ABCA6: variants seen among roughly 807,000 people sequenced by gnomAD.
ABCA6 encodes ATP-binding cassette sub-family A member 6.
Under a neutral mutation model 191.2 loss-of-function variants are expected in ABCA6, and 164 were observed. The observed-to-expected ratio is 0.86, with a 90% CI of 0.76 to 0.98. The LOEUF (loss-of-function observed/expected upper bound fraction) is 0.98, where lower values mean the gene tolerates loss of function less well. Ranked by LOEUF, ABCA6 falls within the 50% of genes least tolerant of loss-of-function variation. The pLI is 0.00. For missense variants in ABCA6, 1,958 were observed against 1,894.1 expected, an observed-to-expected ratio of 1.03 and a Z score of -0.63; for synonymous variants, 636 against 647.7, an observed-to-expected ratio of 0.98 and a Z score of 0.27.
At chr17:69,089,437 G>A in intron 27 of ABCA6, 28 bp downstream of exon 27, 2 of 1,592,840 alleles carry the variant, frequency 1.3e-6, no homozygotes, top group Non-Finnish European at 1.7e-6. Flanking sequence ...CCAAAAGAAT[G>A]TGTGCTGAGG....
At chr17:69,121,684 CA>C (rs2081156522) in intron 10 of ABCA6, among the ~76,000 whole-genome samples, 1 of 151,880 alleles carries the variant, frequency 6.6e-6, no homozygotes, top group African/African-American at 2.4e-5. Context: ...AGTAGAAGAA[CA>C]AAGAAAATTT....
At position 69,086,780 on chromosome 17, in the gene ABCA6, T is replaced by A. The variant is rs184002126; in HGVS notation, c.3820-45A>T. 12 of 1,351,918 alleles carry A rather than the reference T, an allele frequency of 8.9e-6. No homozygotes were observed. In the East Asian group the frequency reaches 2.9e-4, roughly 32 times the overall value. 83.7% of individuals were successfully genotyped at this position (1,351,918 alleles called of 1,614,324 possible). A position where few individuals can be genotyped will look rare whatever the true frequency, so the allele number is the denominator to read the frequency against. On this transcript the variant is annotated intron_variant, in intron 29 of 38. Coordinates refer to ENST00000284425, the MANE Select transcript of ABCA6 (RefSeq NM_080284.3). ...GATTTTCCTCTTAAATTTCAGAGACTTTAGGTCTCTGCTGGAACCTTTCAT... is the reference window on the plus strand; with the variant it reads ...GATTTTCCTCTTAAATTTCAGAGACATTAGGTCTCTGCTGGAACCTTTCAT...
intron 28 of ABCA6, 111 bp from the exon 29 acceptor site, chr17:69,087,584 A>G: frequency 1.5e-6 from 2 of 1,363,348 alleles, no homozygotes; most frequent in African/African-American, 1.4e-5. Context: ...TGTGCAGGTG[A>G]TGATGTGATG....
intron 18 of ABCA6, among the ~76,000 whole-genome samples, chr17:69,106,741 C>T (rs1322868775): frequency 1.3e-5 from 2 of 151,740 alleles, no homozygotes; most frequent in Non-Finnish European, 2.9e-5. Flanking sequence ...TTTATAATTG[C>T]CAATGGTGAT....
rs375790835 is a variant in ABCA6, at chr17:69,136,080, A to G, written c.460+12T>C. 1.0e-5 allele frequency: 16 copies of G among 1,606,924 alleles called. No homozygotes were observed. In the African/African-American group the frequency reaches 1.5e-4, roughly 15 times the overall value. ...GAAAAATTCCATAATGATATTTGAT[A>G]TGGAAAGTCACCTGAGAAATCTTCT... On this transcript the variant is annotated intron_variant, in intron 4 of 38. Transcript: ENST00000284425.
Position 69,134,751 on chromosome 17 carries a change from A to T in ABCA6, c.461-9T>A. 6.3e-7 allele frequency: 1 copy of T among 1,597,050 alleles called. No homozygotes were observed. The highest frequency in any genetic ancestry group is 1.1e-5 in the South Asian group (1 of 90,226). On this transcript the variant is annotated splice_polypyrimidine_tract_variant and intron_variant, in intron 4 of 38. Coordinates refer to ENST00000284425, the MANE Select transcript of ABCA6 (RefSeq NM_080284.3). ...TCCATCCCAGCAATGAGCTGTAAGC[A>T]CAAAGAAAAGCACAGCCAACATTAT...
At chr17:69,096,460 T>C (rs2073048105) in intron 24 of ABCA6, 107 bp from the exon 25 acceptor site, 1 of 809,488 alleles carries the variant, frequency 1.2e-6, no homozygotes. Flanking sequence ...GTATAAAACA[T>C]CTTTGGTATC....
chr17:69,105,965 C>G, intron 19 of ABCA6, 63 bp downstream of exon 19: 5 of 1,485,558 alleles, frequency 3.4e-6, no homozygotes, highest in Non-Finnish European at 3.6e-6. Context: ...TTTAAATTAT[C>G]TTCTGGTTTG....
At position 69,133,795 on chromosome 17, in the gene ABCA6, T is replaced by C; in HGVS notation, c.637A>G (p.Ile213Val). The change falls in exon 6 of 39, where the codon ATA (isoleucine) becomes GTA (valine). Residue 213 changes from isoleucine to valine, a missense_variant. By Grantham distance (29) the Ile-to-Val change is conservative. Coordinates refer to ENST00000284425, the MANE Select transcript of ABCA6 (RefSeq NM_080284.3). ...TAITMKTLPFITKNLLHNEMF... is the reference protein window; with the variant it reads ...TAITMKTLPFVTKNLLHNEMF... ...TCATTGTGAAGAAGATTTTTAGTTA[T>C]GAAAGGTAATGTCTTCATAGTTATA... is the stretch of plus-strand genomic sequence containing the variant. 6.2e-7 allele frequency: 1 copy of C among 1,613,276 alleles called. No homozygotes were observed.
At chr17:69,087,147 G>T (rs1459251240) in intron 29 of ABCA6, among the ~76,000 whole-genome samples, 3 of 152,104 alleles carry the variant, frequency 2.0e-5, no homozygotes, top group Admixed American at 6.5e-5. Flanking sequence ...AAAACCATTA[G>T]GTTTTGTGTT....
chr17:69,136,163 T>C lies in ABCA6; in HGVS notation c.389A>G (p.Asn130Ser), dbSNP rs746030440. ...TATTAACTTATAAGAGAAAGTTTCA[T>C]TAAAGATGATTCCCATAGCATATGG... is the stretch of plus-strand genomic sequence containing the variant. ...NLPYAMGIIF[N>S]ETFSYKLIFF... The change falls in exon 4 of 39, where the codon AAT (asparagine) becomes AGT (serine). Residue 130 changes from asparagine (N) to serine (S), a missense_variant. Asn to Ser is a conservative substitution (Grantham distance 46). Coordinates refer to ENST00000284425, the MANE Select transcript of ABCA6 (RefSeq NM_080284.3). The C allele has an allele frequency of 6.8e-6, 11 of 1,605,888 alleles. No homozygotes were observed. The Admixed American group carries it at 1.7e-4, about 25-fold the overall frequency.
At chr17:69,120,192 A>G (rs1199086513) in intron 10 of ABCA6, among the ~76,000 whole-genome samples, 1 of 152,064 alleles carries the variant, frequency 6.6e-6, no homozygotes, top group Non-Finnish European at 1.5e-5. Flanking sequence ...GGATGGAGAA[A>G]ATATTTTAAA....
intron 6 of ABCA6, among the ~76,000 whole-genome samples, chr17:69,131,573 TA>T (rs59217412): frequency 0.61 from 93,280 of 151,922 alleles, 29,476 homozygotes; most frequent in Admixed American, 0.71. Flanking sequence ...ACTATCTTGC[TA>T]AAAAACAAAG....
At chr17:69,111,160 C>T (rs936984702) in intron 16 of ABCA6, 6 of 382,030 alleles carry the variant, frequency 1.6e-5, no homozygotes, top group African/African-American at 1.2e-4. Flanking sequence ...AATATACAAA[C>T]AAATATATAA....
chr17:69,082,537 T>A (rs563170061), intron 36 of ABCA6, among the ~76,000 whole-genome samples: 1 of 152,296 alleles, frequency 6.6e-6, no homozygotes, highest in South Asian at 2.1e-4. Flanking sequence ...TTTATATATG[T>A]TAAGCGTTTA....
intron 25 of ABCA6, among the ~76,000 whole-genome samples, chr17:69,092,926 T>C (rs1346499718): frequency 1.3e-5 from 2 of 152,232 alleles, no homozygotes; most frequent in African/African-American, 4.8e-5. Context: ...TATAAGTTAT[T>C]TGTATGCAAA....
chr17:69,136,167 A>G lies in ABCA6; in HGVS notation c.385T>C (p.Phe129Leu). Reference protein sequence around the residue: ...ENLPYAMGIIFNETFSYKLIF... With the variant: ...ENLPYAMGIILNETFSYKLIF... ...AACTTATAAGAGAAAGTTTCATTAA[A>G]GATGATTCCCATAGCATATGGTAAA... Residue 129 changes from phenylalanine to leucine, a missense_variant, in exon 4 of 39, where the codon TTT becomes CTT. By Grantham distance (22) the Phe-to-Leu change is conservative. Transcript: ENST00000284425. 6.2e-7 allele frequency: 1 copy of G among 1,606,078 alleles called. No homozygotes were observed. Among genetic ancestry groups the G allele is most frequent in the Non-Finnish European group, 8.5e-7 (1 of 1,175,282 alleles).
At chr17:69,097,804 C>T in intron 23 of ABCA6, 116 bp downstream of exon 23, 2 of 694,298 alleles carry the variant, frequency 2.9e-6, no homozygotes, top group Non-Finnish European at 4.4e-6. Flanking sequence ...GCTACAATAT[C>T]TAAATTAAAC....
chr17:69,116,303 T>C (rs1349459617), intron 11 of ABCA6, among the ~76,000 whole-genome samples: 1 of 152,106 alleles, frequency 6.6e-6, no homozygotes, highest in Non-Finnish European at 1.5e-5. Flanking sequence ...CAGGCCTAAA[T>C]GTAAAATGGT....
Sources: allele counts gnomAD v4.1 joint callset (sites outside exome capture counted in the v4.1 genomes callset), GRCh38; gene constraint gnomAD v4.1.1; transcripts MANE v1.5; gene names NCBI Gene and HGNC (gene_info 2026-07-23, HGNC 2026-07-21).